The following SYNDIG1 variants were observed in gnomAD, a reference collection of about 807,000 sequenced individuals.
SYNDIG1 encodes the protein synapse differentiation inducing 1.
Under a neutral mutation model 19.4 loss-of-function variants are expected in SYNDIG1, and 9 were observed. That is an observed-to-expected ratio of 0.46 (90% confidence interval 0.28 to 0.81). The LOEUF is 0.81. SYNDIG1 is among the 30% of genes least tolerant of loss of function. The pLI, the probability that SYNDIG1 is intolerant of heterozygous loss-of-function variation, is 0.12. For missense variants in SYNDIG1, 311 were observed against 343.3 expected, an observed-to-expected ratio of 0.91 and a Z score of 0.74; for synonymous variants, 141 against 145.9, an observed-to-expected ratio of 0.97 and a Z score of 0.24.
chr20:24,591,037 G>T (rs988991543), intron 3 of SYNDIG1, among the ~76,000 whole-genome samples: 2 of 151,922 alleles, frequency 1.3e-5, no homozygotes, highest in South Asian at 2.1e-4. Context: ...CTGGGTACTG[G>T]CTGTATGCTT....
intron 1 of SYNDIG1, among the ~76,000 whole-genome samples, chr20:24,538,201 A>G (rs2057399902): frequency 6.6e-6 from 1 of 152,166 alleles, no homozygotes; most frequent in African/African-American, 2.4e-5. Context: ...CATCACCACC[A>G]TCTATCTACC....
intron 1 of SYNDIG1, among the ~76,000 whole-genome samples, chr20:24,481,700 T>C (rs1262086639): frequency 6.6e-6 from 1 of 152,146 alleles, no homozygotes; most frequent in Non-Finnish European, 1.5e-5. Flanking sequence ...CAGAGAGCTC[T>C]GAAACAGATG....
chr20:24,483,977 G>A (rs2055879674), intron 1 of SYNDIG1, among the ~76,000 whole-genome samples: 2 of 152,184 alleles, frequency 1.3e-5, no homozygotes, highest in Non-Finnish European at 2.9e-5. Context: ...TCGGCAGAGG[G>A]TGCAGGATAG....
chr20:24,534,569 C>A (rs573926255), intron 1 of SYNDIG1, among the ~76,000 whole-genome samples: 2 of 152,232 alleles, frequency 1.3e-5, no homozygotes, highest in Non-Finnish European at 2.9e-5. Context: ...CAGGGCTTGC[C>A]GTCAGCGGGT....
intron 1 of SYNDIG1, among the ~76,000 whole-genome samples, chr20:24,484,465 T>A (rs2055900513): frequency 6.6e-6 from 1 of 152,214 alleles, no homozygotes. Context: ...CGTGAACTTT[T>A]CTGACCTAGC....
chr20:24,616,932 C>CCG (rs2032788664), intron 3 of SYNDIG1, among the ~76,000 whole-genome samples: 1 of 152,146 alleles, frequency 6.6e-6, no homozygotes, highest in South Asian at 2.1e-4. Flanking sequence ...TACCAGGCCA[C>CCG]GTAGCAGAGC....
At chr20:24,487,472 C>G (rs940571258) in intron 1 of SYNDIG1, among the ~76,000 whole-genome samples, 1 of 152,136 alleles carries the variant, frequency 6.6e-6, no homozygotes, top group Non-Finnish European at 1.5e-5. Context: ...GTTATCTGCT[C>G]TGGTTCCTCC....
At chr20:24,606,278 T>C (rs924467905) in intron 3 of SYNDIG1, among the ~76,000 whole-genome samples, 1 of 152,262 alleles carries the variant, frequency 6.6e-6, no homozygotes, top group Non-Finnish European at 1.5e-5. Context: ...GATGTGGCTA[T>C]GAGGCTGTGG....
chr20:24,630,254 G>T (rs182988647), intron 3 of SYNDIG1, among the ~76,000 whole-genome samples: 354 of 152,274 alleles, frequency 2.3e-3, no homozygotes, highest in Non-Finnish European at 2.7e-3. Context: ...TCACAGGAGT[G>T]GTCCGTGTTA....
chr20:24,645,965 C>T (rs1364496692), intron 3 of SYNDIG1, among the ~76,000 whole-genome samples: 3 of 152,180 alleles, frequency 2.0e-5, no homozygotes, highest in African/African-American at 2.4e-5. Flanking sequence ...CAAGCTTGTG[C>T]TTCCCGTGGG....
intron 3 of SYNDIG1, among the ~76,000 whole-genome samples, chr20:24,616,204 T>C (rs183051505): frequency 2.4e-4 from 37 of 152,338 alleles, no homozygotes; most frequent in African/African-American, 8.2e-4. Context: ...TATTTCAATA[T>C]ATTTGGTTCC....
intron 3 of SYNDIG1, among the ~76,000 whole-genome samples, chr20:24,608,998 A>G (rs1222910301): frequency 6.6e-6 from 1 of 152,208 alleles, no homozygotes; most frequent in Admixed American, 6.5e-5. Flanking sequence ...CAAATGAGTC[A>G]TGGGTTGATC....
intron 3 of SYNDIG1, among the ~76,000 whole-genome samples, chr20:24,657,493 A>G (rs1417708090): frequency 3.3e-5 from 5 of 152,158 alleles, no homozygotes; most frequent in Non-Finnish European, 7.4e-5. Flanking sequence ...GTTGTAACCA[A>G]CACAGTCTGT....
chr20:24,558,411 C>T (rs1005954675), intron 2 of SYNDIG1, among the ~76,000 whole-genome samples: 2 of 152,134 alleles, frequency 1.3e-5, no homozygotes, highest in African/African-American at 4.8e-5. Flanking sequence ...TTTTCCTATC[C>T]TTTTACTTAC....
chr20:24,649,178 G>A (rs963093377), intron 3 of SYNDIG1, among the ~76,000 whole-genome samples: 1 of 152,208 alleles, frequency 6.6e-6, no homozygotes, highest in Non-Finnish European at 1.5e-5. Context: ...GAGACATCCT[G>A]TTGAGGAGAT....
chr20:24,526,624 G>T (rs187274813), intron 1 of SYNDIG1, among the ~76,000 whole-genome samples: 1 of 152,022 alleles, frequency 6.6e-6, no homozygotes, highest in Non-Finnish European at 1.5e-5. Context: ...ATGTTTGTTT[G>T]GATTTATAAG....
At chr20:24,476,987 G>A (rs2055646689) in intron 1 of SYNDIG1, among the ~76,000 whole-genome samples, 2 of 151,762 alleles carry the variant, frequency 1.3e-5, no homozygotes, top group Middle Eastern at 3.2e-3. Context: ...GCTGTAAATC[G>A]GAGCCCTAGA....
At chr20:24,504,638 C>T (rs901733727) in intron 1 of SYNDIG1, among the ~76,000 whole-genome samples, 4 of 152,120 alleles carry the variant, frequency 2.6e-5, no homozygotes, top group East Asian at 1.9e-4. Flanking sequence ...AGAATGAATC[C>T]GGATCCAAAC....
chr20:24,575,693 ACCTCCCTCC>A (rs1229138859), intron 2 of SYNDIG1, among the ~76,000 whole-genome samples: 63 of 152,304 alleles, frequency 4.1e-4, no homozygotes, highest in African/African-American at 1.4e-3. Flanking sequence ...TTCTAAAAAT[ACCTCCCTCC>A]TCAAAGAATA....
Sources: allele counts gnomAD v4.1 joint callset (sites outside exome capture counted in the v4.1 genomes callset), GRCh38; gene constraint gnomAD v4.1.1; transcripts MANE v1.5; gene names NCBI Gene and HGNC (gene_info 2026-07-23, HGNC 2026-07-21).